CYB5R4: variants seen among roughly 807,000 people sequenced by gnomAD.
The protein encoded by CYB5R4 is cytochrome b5 reductase 4.
A neutral mutation model predicts 70.2 loss-of-function variants in CYB5R4; 55 were observed. The observed-to-expected ratio is 0.78, with a 90% CI of 0.63 to 0.98. The LOEUF is 0.98. Among genes scored for constraint, CYB5R4 ranks in the 50% least tolerant of loss-of-function variants. The pLI is 0.00. For synonymous variants in CYB5R4, 197 were observed against 199.5 expected, an observed-to-expected ratio of 0.99 and a Z score of 0.11; for missense variants, 562 against 612.6, an observed-to-expected ratio of 0.92 and a Z score of 0.87.
chr6:83,876,550 T>C (rs569174335), intron 2 of CYB5R4, among the ~76,000 whole-genome samples: 21 of 151,602 alleles, frequency 1.4e-4, no homozygotes, highest in Admixed American at 1.3e-3. Context: ...ATTTCTAATG[T>C]ATCAGTCTAC....
In CYB5R4 at chr6:83,892,828, C is replaced by T. The variant is rs1484529572; in HGVS notation, c.230-694C>T. ...ATGTTATGTCTGTAGTAGTCACTTT[C>T]TCTCTCTCTCTTCCTCTCTCTCTCT... is the stretch of plus-strand genomic sequence containing the variant. On this transcript the variant is annotated intron_variant, in intron 2 of 15. Transcript: ENST00000369681. 2.7e-5 allele frequency among the ~76,000 whole-genome samples: 3 copies of T among 111,446 alleles called. No individual in the cohort carries two copies. The South Asian group carries it at 6.9e-4, about 26-fold the overall frequency. The allele number at this position is 111,446 out of a possible 152,430, so 73.1% of individuals were successfully genotyped here.
chr6:83,902,807 T>C (rs1184032770), intron 3 of CYB5R4, among the ~76,000 whole-genome samples: 1 of 152,106 alleles, frequency 6.6e-6, no homozygotes, highest in Non-Finnish European at 1.5e-5. Context: ...TGGGATTGTC[T>C]TCTTGATTTC....
chr6:83,891,217 G>T (rs1441064293), intron 2 of CYB5R4, among the ~76,000 whole-genome samples: 1 of 152,118 alleles, frequency 6.6e-6, no homozygotes, highest in Non-Finnish European at 1.5e-5. Flanking sequence ...AAGCTACTGG[G>T]ATTACAGGCA....
At chr6:83,926,068 T>C (rs2099467222) in intron 10 of CYB5R4, among the ~76,000 whole-genome samples, 1 of 152,248 alleles carries the variant, frequency 6.6e-6, no homozygotes, top group Non-Finnish European at 1.5e-5. Flanking sequence ...TCATTTGTTA[T>C]GGTGTCTTTA....
intron 5 of CYB5R4, among the ~76,000 whole-genome samples, chr6:83,917,778 G>T (rs2099465744): frequency 6.6e-6 from 1 of 152,040 alleles, no homozygotes; most frequent in Admixed American, 6.6e-5. Context: ...CTTGAGGCAG[G>T]GGTGGTGATT....
Position 83,959,871 on chromosome 6 carries a change from C to G in CYB5R4, c.1559C>G (p.Thr520Arg), listed in dbSNP as rs1183732960. ...TCCAAAAATGAGATCCATAGTTTTA[C>G]AGCATAATGAAGAGCTGTCATTGTC... ...NFSKNEIHSF[T>R]A The change falls in exon 16 of 16, where the codon ACA (threonine) becomes AGA (arginine). Residue 520 changes from threonine (T) to arginine (R), a missense_variant. Thr to Arg is a moderately conservative substitution (Grantham distance 71). Transcript: ENST00000369681. 2 of 1,597,734 alleles carry G rather than the reference C, an allele frequency of 1.3e-6. No homozygotes were observed. Among genetic ancestry groups the G allele is most frequent in the Non-Finnish European group, 1.7e-6 (2 of 1,173,048 alleles).
intron 2 of CYB5R4, among the ~76,000 whole-genome samples, chr6:83,869,763 C>T (rs2099457282): frequency 6.6e-6 from 1 of 151,704 alleles, no homozygotes; most frequent in Non-Finnish European, 1.5e-5. Flanking sequence ...TCAGAGGTTC[C>T]AGTCAGCCGA....
rs1419213200 is a variant in CYB5R4 at position 83,965,107 on chromosome 6, T to G, written c.*5229T>G. The G allele has an allele frequency of 2.0e-5, 3 of 152,226 alleles. No homozygotes were observed. Among genetic ancestry groups the G allele is most frequent in the Non-Finnish European group, 4.4e-5 (3 of 68,072 alleles). The allele number at this position is 152,226 out of a possible 1,614,324, so 9.4% of individuals were successfully genotyped here. ...GCTAGGGCAGTGCAGAAGGGAAATG[T>G]GGGGTTGGAGCCCCCTCACAGAGTC... is the stretch of plus-strand genomic sequence containing the variant. On this transcript the variant is annotated 3_prime_UTR_variant, in exon 16 of 16. Transcript: ENST00000369681.
intron 3 of CYB5R4, among the ~76,000 whole-genome samples, chr6:83,899,034 T>C (rs1263699970): frequency 1.3e-5 from 2 of 152,194 alleles, no homozygotes; most frequent in Non-Finnish European, 2.9e-5. Flanking sequence ...GGCGTCCCTG[T>C]GTTGTGCCAG....
At chr6:83,929,250 A>G (rs1368718020) in intron 10 of CYB5R4, among the ~76,000 whole-genome samples, 1 of 152,230 alleles carries the variant, frequency 6.6e-6, no homozygotes, top group Non-Finnish European at 1.5e-5. Flanking sequence ...AAAGATTTAC[A>G]GCCAATTATG....
chr6:83,898,558 A>G (rs531821720), intron 3 of CYB5R4, among the ~76,000 whole-genome samples: 1 of 152,286 alleles, frequency 6.6e-6, no homozygotes, highest in East Asian at 1.9e-4. Context: ...CTTGGGCAGT[A>G]TGGCCATTTT....
chr6:83,875,231 C>G (rs1021577069), intron 2 of CYB5R4, among the ~76,000 whole-genome samples: 3 of 152,128 alleles, frequency 2.0e-5, no homozygotes, highest in African/African-American at 7.2e-5. Context: ...TTCTTTGAGG[C>G]ATGTGTAGAT....
chr6:83,944,393 T>G (rs550105728), intron 14 of CYB5R4, among the ~76,000 whole-genome samples: 1 of 152,300 alleles, frequency 6.6e-6, no homozygotes, highest in Admixed American at 6.5e-5. Context: ...GCTGAGGGAT[T>G]TCGTCACCAC....
At chr6:83,924,630 A>T in intron 10 of CYB5R4, 38 bp downstream of exon 10, 1 of 1,597,682 alleles carries the variant, frequency 6.3e-7, no homozygotes, top group Non-Finnish European at 8.6e-7. Flanking sequence ...TTTCACATTC[A>T]TGAAATTGTT....
intron 5 of CYB5R4, among the ~76,000 whole-genome samples, chr6:83,916,533 C>T (rs531044208): frequency 2.0e-5 from 3 of 152,190 alleles, no homozygotes; most frequent in African/African-American, 2.4e-5. Context: ...TCTTGTTTTA[C>T]GTGTAGTTTT....
intron 14 of CYB5R4, among the ~76,000 whole-genome samples, chr6:83,940,919 C>A (rs2099469662): frequency 6.6e-6 from 1 of 152,044 alleles, no homozygotes; most frequent in Non-Finnish European, 1.5e-5. Context: ...CAAGATTTTT[C>A]CTGTTATACT....
At chr6:83,948,373 G>C (rs1231428584) in intron 14 of CYB5R4, among the ~76,000 whole-genome samples, 1 of 152,136 alleles carries the variant, frequency 6.6e-6, no homozygotes, top group Non-Finnish European at 1.5e-5. Context: ...GTCACAGGGT[G>C]GGGGCCAAAG....
At chr6:83,890,261 A>G (rs1045485266) in intron 2 of CYB5R4, among the ~76,000 whole-genome samples, 2 of 152,236 alleles carry the variant, frequency 1.3e-5, no homozygotes, top group Admixed American at 6.5e-5. Flanking sequence ...AGGAGAGAAC[A>G]AAGTATCAAC....
At chr6:83,927,552 T>C (rs375118217) in intron 10 of CYB5R4, among the ~76,000 whole-genome samples, 82 of 152,286 alleles carry the variant, frequency 5.4e-4, no homozygotes, top group African/African-American at 1.4e-3. Flanking sequence ...TACATTTAAG[T>C]TTATCATTTT....
Sources: allele counts gnomAD v4.1 joint callset (sites outside exome capture counted in the v4.1 genomes callset), GRCh38; gene constraint gnomAD v4.1.1; transcripts MANE v1.5; gene names NCBI Gene and HGNC (gene_info 2026-07-23, HGNC 2026-07-21).